The following KRT86 variants were observed in gnomAD, a reference collection of about 807,000 sequenced individuals.
KRT86 encodes keratin, type II cuticular Hb6.
In KRT86, 30 loss-of-function variants were observed where a neutral mutation model predicts 41.2. That is an observed-to-expected ratio of 0.73 (90% CI 0.54 to 0.99). The LOEUF (loss-of-function observed/expected upper bound fraction) is 0.99. KRT86 is among the 50% of genes least tolerant of loss of function. The probability of loss-of-function intolerance (pLI) is 0.00; values close to 1 mark genes in which losing one functional copy is unlikely to be tolerated. For synonymous variants in KRT86, 238 were observed against 238.1 expected (o/e 1.00, Z 0.00); for missense variants, 561 against 571.4 (o/e 0.98, Z 0.19).
intron 9 of KRT86, among the ~76,000 whole-genome samples, chr12:52,307,637 C>T (rs553482546): frequency 3.3e-5 from 5 of 152,286 alleles, no homozygotes; most frequent in African/African-American, 1.2e-4. Context: ...TTCCATCTGC[C>T]GGATGAGAGG....
intron 2 of KRT86, among the ~76,000 whole-genome samples, chr12:52,296,813 T>C (rs976882804): frequency 6.6e-6 from 1 of 152,226 alleles, no homozygotes; most frequent in Admixed American, 6.5e-5. Flanking sequence ...GTAGAAAGCA[T>C]GAGCCAGCTG....
chr12:52,308,201 C>T (rs2121321668), intron 9 of KRT86, 32 bp from the exon 10 acceptor site: 1 of 1,614,076 alleles, frequency 6.2e-7, no homozygotes. Context: ...GCCTTTTCCG[C>T]GGCACTGACC....
intron 2 of KRT86, among the ~76,000 whole-genome samples, chr12:52,294,061 C>T (rs2121266079): frequency 6.6e-6 from 1 of 152,320 alleles, no homozygotes; most frequent in African/African-American, 2.4e-5. Flanking sequence ...GCTATCTGGT[C>T]ACCCCAGAGA....
rs1032696102 is a variant in KRT86, at chr12:52,298,690, T to C, written c.-4-3223T>C. On this transcript the variant is annotated intron_variant, in intron 2 of 10. Transcript: ENST00000423955. ...CATAGAGGCTAAGTAATTGCCTGAG[T>C]TTACACAGCTAGAGAGTGGCAGAGC... 2.6e-5 allele frequency among the ~76,000 whole-genome samples: 4 copies of C among 152,222 alleles called. No homozygotes were observed. The South Asian group carries it at 8.3e-4, about 32-fold the overall frequency.
At chr12:52,285,094 T>C (rs1056195276) in intron 2 of KRT86, among the ~76,000 whole-genome samples, 1 of 152,242 alleles carries the variant, frequency 6.6e-6, no homozygotes, top group African/African-American at 2.4e-5. Flanking sequence ...CTTTTACGTA[T>C]ATGAAATCCT....
chr12:52,288,237 C>T, intron 2 of KRT86: 1 of 1,596,132 alleles, frequency 6.3e-7, no homozygotes, highest in Non-Finnish European at 8.6e-7. Flanking sequence ...TCTCTGGTCC[C>T]CAACCCTGCC....
chr12:52,305,390 T>C lies in KRT86; in HGVS notation c.886T>C (p.Trp296Arg). The change falls in exon 7 of 11, where the codon TGG becomes CGG. Residue 296 changes from tryptophan to arginine, a missense_variant. Trp to Arg is a moderately radical substitution (Grantham distance 101). Around this residue, in one of 3 missense-constraint regions of KRT86, gnomAD observed 397 missense variants for 375.9 expected, o/e 1.06. Transcript: ENST00000423955. Reference protein sequence around the residue: ...VTRSRAEAESWYRSKCEEMKA... With the variant: ...VTRSRAEAESRYRSKCEEMKA... ...CCGTAGCCGGGCTGAGGCCGAGTCC[T>C]GGTACCGCAGCAAGGTGAGTGGCAC... is the stretch of plus-strand genomic sequence containing the variant. 3 of 1,614,220 alleles carry C rather than the reference T, an allele frequency of 1.9e-6. No individual in the cohort carries two copies. Among genetic ancestry groups the C allele is most frequent in the Non-Finnish European group, 2.5e-6 (3 of 1,180,038 alleles).
chr12:52,294,830 C>T (rs1421924809), intron 2 of KRT86, among the ~76,000 whole-genome samples: 1 of 152,224 alleles, frequency 6.6e-6, no homozygotes, highest in Non-Finnish European at 1.5e-5. Context: ...ACCCATCTTG[C>T]AATGACATAT....
At chr12:52,288,973 C>T (rs1938058417) in intron 2 of KRT86, among the ~76,000 whole-genome samples, 1 of 140,370 alleles carries the variant, frequency 7.1e-6, no homozygotes, top group African/African-American at 2.7e-5. Context: ...CAGAGCAGGA[C>T]ACACAGAGGA....
At chr12:52,280,503 T>C (rs924721363) in intron 2 of KRT86, among the ~76,000 whole-genome samples, 1 of 152,220 alleles carries the variant, frequency 6.6e-6, no homozygotes, top group Non-Finnish European at 1.5e-5. Flanking sequence ...GCTTTACTTT[T>C]TAAGGCACTC....
intron 2 of KRT86, among the ~76,000 whole-genome samples, chr12:52,280,652 C>T (rs1003023917): frequency 2.0e-5 from 3 of 152,194 alleles, no homozygotes; most frequent in Non-Finnish European, 4.4e-5. Context: ...TGCCACCCTC[C>T]TGAGGGGTAG....
chr12:52,298,324 T>C (rs1938295004), intron 2 of KRT86, among the ~76,000 whole-genome samples: 1 of 152,262 alleles, frequency 6.6e-6, no homozygotes, highest in Non-Finnish European at 1.5e-5. Flanking sequence ...TAGAATATAG[T>C]AGATAACATT....
At chr12:52,301,773 G>A in intron 2 of KRT86, 140 bp from the exon 3 acceptor site, 3 of 1,565,056 alleles carry the variant, frequency 1.9e-6, no homozygotes, top group Non-Finnish European at 2.6e-6. Flanking sequence ...CCTTCTAATT[G>A]CTCCGACCCA....
At chr12:52,276,823 C>G (rs189278608) in intron 2 of KRT86, among the ~76,000 whole-genome samples, 2 of 152,314 alleles carry the variant, frequency 1.3e-5, no homozygotes, top group Admixed American at 6.5e-5. Flanking sequence ...CTCACACCCC[C>G]GCTGGCTCAA....
chr12:52,304,898 G>A, intron 5 of KRT86, 34 bp from the exon 6 acceptor site: 4 of 1,609,004 alleles, frequency 2.5e-6, no homozygotes, highest in Non-Finnish European at 3.4e-6. Context: ...GGATCACCAG[G>A]GTCCTTGAGC....
intron 2 of KRT86, among the ~76,000 whole-genome samples, chr12:52,296,656 G>C (rs1012943420): frequency 1.6e-4 from 17 of 107,954 alleles, no homozygotes; most frequent in Admixed American, 1.0e-3. Context: ...GCAGGGCTCT[G>C]ACTTGGGCTC....
At chr12:52,304,724 G>C (rs1436116362) in intron 5 of KRT86, among the ~76,000 whole-genome samples, 3 of 151,870 alleles carry the variant, frequency 2.0e-5, no homozygotes, top group African/African-American at 7.2e-5. Flanking sequence ...AAAGGCTGGT[G>C]AGCCGTGCCC....
At chr12:52,308,342 C>T in intron 10 of KRT86, 62 bp from the exon 11 acceptor site, 1 of 1,612,676 alleles carries the variant, frequency 6.2e-7, no homozygotes, top group Non-Finnish European at 8.5e-7. Flanking sequence ...GGGCTCGCAG[C>T]AAAGCCACTC....
Position 52,308,872 on chromosome 12 carries a change from A to G in KRT86, c.*287A>G, listed in dbSNP as rs1137014. ...CTGCCTTCTGTTTTTTTTGCTGTAT[A>G]CATTGGTCTTGCCTGAGCTCTTCCC... is the stretch of plus-strand genomic sequence containing the variant. On this transcript the variant is annotated 3_prime_UTR_variant, in exon 11 of 11. Transcript: ENST00000423955. The G allele has an allele frequency of 0.68, 317,077 of 467,358 alleles. 108,981 individuals are homozygous for G. The highest frequency in any genetic ancestry group is 0.87 in the African/African-American group (43,424 of 49,766). 29.0% of individuals were successfully genotyped at this position (467,358 alleles called of 1,614,324 possible). A position where few individuals can be genotyped will look rare whatever the true frequency, so the allele number is the denominator to read the frequency against.
Sources: allele counts gnomAD v4.1 joint callset (sites outside exome capture counted in the v4.1 genomes callset), GRCh38; gene constraint gnomAD v4.1.1; regional missense constraint gnomAD v4.1.1; transcripts MANE v1.5; gene names NCBI Gene and HGNC (gene_info 2026-07-23, HGNC 2026-07-21).